CSMD1: variants seen among roughly 807,000 people sequenced by gnomAD.
The protein encoded by CSMD1 is CUB and sushi domain-containing protein 1.
A neutral mutation model predicts 417.5 loss-of-function variants in CSMD1; 213 were observed. That is an observed-to-expected ratio of 0.51 (90% CI 0.46 to 0.57). The LOEUF (loss-of-function observed/expected upper bound fraction) is 0.57. Among genes scored for constraint, CSMD1 ranks in the 20% least tolerant of loss-of-function variants. The probability of loss-of-function intolerance (pLI) is 0.00; values close to 1 mark genes in which losing one functional copy is unlikely to be tolerated. For missense variants in CSMD1, 6,923 were observed against 4,529.7 expected (o/e 1.53, Z -15.17); for synonymous variants, 2,862 against 1,736.8 (o/e 1.65, Z -16.11).
intron 10 of CSMD1, among the ~76,000 whole-genome samples, chr8:3,506,542 G>A (rs573628031): frequency 1.1e-4 from 16 of 152,174 alleles, no homozygotes; most frequent in Middle Eastern, 6.8e-3. Context: ...GATACTTTAC[G>A]TTTCATTCAT....
intron 3 of CSMD1, among the ~76,000 whole-genome samples, chr8:4,417,512 A>C (rs1424464706): frequency 6.6e-6 from 1 of 152,038 alleles, no homozygotes; most frequent in Non-Finnish European, 1.5e-5. Context: ...TCCATGTTTT[A>C]GTTAAATAAA....
At chr8:3,393,434 T>A (rs1487030527) in intron 17 of CSMD1, among the ~76,000 whole-genome samples, 1 of 152,200 alleles carries the variant, frequency 6.6e-6, no homozygotes, top group Non-Finnish European at 1.5e-5. Context: ...ACAGGCATCA[T>A]CTTGGTGACA....
At chr8:3,986,444 T>C (rs1362162355) in intron 5 of CSMD1, among the ~76,000 whole-genome samples, 4 of 152,134 alleles carry the variant, frequency 2.6e-5, no homozygotes, top group Non-Finnish European at 5.9e-5. Flanking sequence ...AAATCTGAAA[T>C]ATCAGGGTAT....
At chr8:3,394,470 C>G (rs6987527) in intron 17 of CSMD1, among the ~76,000 whole-genome samples, 15,036 of 151,842 alleles carry the variant, frequency 0.099, 799 homozygotes, top group Middle Eastern at 0.15. Flanking sequence ...CACATTCCCT[C>G]AAATGGAAGT....
intron 1 of CSMD1, among the ~76,000 whole-genome samples, chr8:4,676,141 A>T (rs370959783): frequency 6.6e-5 from 10 of 152,312 alleles, no homozygotes; most frequent in African/African-American, 2.4e-4. Flanking sequence ...ATGTTTTGTC[A>T]TATAAACAGA....
At chr8:4,231,954 C>T (rs906719549) in intron 3 of CSMD1, among the ~76,000 whole-genome samples, 1 of 152,312 alleles carries the variant, frequency 6.6e-6, no homozygotes, top group South Asian at 2.1e-4. Flanking sequence ...TTTCTACCTC[C>T]TCCTTTCTTT....
chr8:3,102,255 T>C (rs1245012531), intron 46 of CSMD1, among the ~76,000 whole-genome samples: 1 of 152,158 alleles, frequency 6.6e-6, no homozygotes, highest in Non-Finnish European at 1.5e-5. Flanking sequence ...AGTGATTCAG[T>C]GATTAAGGAT....
chr8:4,437,850 C>G (rs757173232), intron 2 of CSMD1, among the ~76,000 whole-genome samples: 9 of 152,154 alleles, frequency 5.9e-5, no homozygotes, highest in South Asian at 2.1e-4. Flanking sequence ...AGGTCTGCCC[C>G]TAGTTCACCT....
chr8:4,238,391 C>T (rs189566666), intron 3 of CSMD1, among the ~76,000 whole-genome samples: 8 of 152,254 alleles, frequency 5.3e-5, no homozygotes, highest in East Asian at 3.9e-4. Context: ...CTGCTAACTC[C>T]GCCCTGAGCA....
At chr8:4,460,031 T>A (rs543981933) in intron 2 of CSMD1, among the ~76,000 whole-genome samples, 2 of 152,216 alleles carry the variant, frequency 1.3e-5, no homozygotes, top group African/African-American at 4.8e-5. Flanking sequence ...TGAACAGACA[T>A]CTACAGAACA....
chr8:4,062,054 G>T (rs1030121549), intron 3 of CSMD1, among the ~76,000 whole-genome samples: 8 of 152,266 alleles, frequency 5.3e-5, no homozygotes, highest in Admixed American at 2.0e-4. Context: ...CAGAGTGCCA[G>T]CTGCCGTGGT....
At chr8:4,115,085 C>A (rs559535506) in intron 3 of CSMD1, among the ~76,000 whole-genome samples, 2 of 152,112 alleles carry the variant, frequency 1.3e-5, no homozygotes, top group African/African-American at 2.4e-5. Context: ...TGCTGTCAAA[C>A]GGAATTGAAA....
chr8:3,603,867 A>G (rs955916718), intron 8 of CSMD1, among the ~76,000 whole-genome samples: 1 of 152,226 alleles, frequency 6.6e-6, no homozygotes, highest in Non-Finnish European at 1.5e-5. Flanking sequence ...AGTTGTACAT[A>G]AATGATCTAG....
intron 1 of CSMD1, among the ~76,000 whole-genome samples, chr8:4,938,092 G>C (rs984940947): frequency 5.3e-5 from 8 of 151,888 alleles, no homozygotes; most frequent in Non-Finnish European, 7.4e-5. Context: ...ATCCCTTTTA[G>C]TAGCAACAAA....
intron 26 of CSMD1, among the ~76,000 whole-genome samples, chr8:3,252,750 C>T (rs576871172): frequency 2.7e-4 from 41 of 152,172 alleles, no homozygotes; most frequent in East Asian, 1.9e-3. Context: ...GCCTGTTATT[C>T]GTCTCTTCAG....
intron 3 of CSMD1, among the ~76,000 whole-genome samples, chr8:4,214,895 T>A (rs1800542190): frequency 6.6e-6 from 1 of 152,228 alleles, no homozygotes; most frequent in Admixed American, 6.5e-5. Flanking sequence ...TATTCTTTTT[T>A]AAGTTTTACA....
intron 7 of CSMD1, among the ~76,000 whole-genome samples, chr8:3,691,512 G>C (rs183138769): frequency 2.0e-5 from 3 of 152,154 alleles, no homozygotes; most frequent in Admixed American, 1.3e-4. Context: ...CTAGAAACTT[G>C]GCCTAGCCAA....
intron 5 of CSMD1, among the ~76,000 whole-genome samples, chr8:3,774,975 C>A (rs1042662287): frequency 4.6e-5 from 7 of 152,126 alleles, no homozygotes; most frequent in Middle Eastern, 3.4e-3. Flanking sequence ...CAGCAATGCA[C>A]TGGACACAGG....
At chr8:4,487,051 C>T (rs17070406) in intron 2 of CSMD1, among the ~76,000 whole-genome samples, 15,669 of 152,162 alleles carry the variant, frequency 0.1, 874 homozygotes, top group African/African-American at 0.13. Context: ...TAATATCTTT[C>T]CGCTTTCTAA....
Sources: gnomAD v4.1 joint callset for allele counts (sites outside exome capture counted in the v4.1 genomes callset) on GRCh38, gnomAD v4.1.1 for gene constraint, MANE v1.5 for transcripts, NCBI Gene and HGNC (gene_info 2026-07-23, HGNC 2026-07-21) for gene names.